DNMT1: variants seen among roughly 807,000 people sequenced by gnomAD.
The protein encoded by DNMT1 is DNA (cytosine-5)-methyltransferase 1.
A neutral mutation model predicts 205.3 loss-of-function variants in DNMT1; 24 were observed. The ratio of observed to expected loss-of-function variants is 0.12; its 90% CI spans 0.08 to 0.16. The LOEUF (loss-of-function observed/expected upper bound fraction) is 0.16, where lower values mean the gene tolerates loss of function less well. DNMT1 is among the 10% of genes least tolerant of loss of function. The pLI is 1.00. For synonymous variants in DNMT1, 817 were observed against 839.8 expected, an observed-to-expected ratio of 0.97 and a Z score of 0.47; for missense variants, 1,293 against 2,177.7, an observed-to-expected ratio of 0.59 and a Z score of 8.09.
At chr19:10,168,456 G>C (rs1325550317) in intron 9 of DNMT1, 92 bp from the exon 10 acceptor site, 5 of 1,313,522 alleles carry the variant, frequency 3.8e-6, no homozygotes, top group Non-Finnish European at 5.5e-6. Context: ...CACCTGAACT[G>C]ATTCTAGAGT....
At position 10,148,911 on chromosome 19, in the gene DNMT1, G is replaced by A. The variant is rs201213597; in HGVS notation, c.2693C>T (p.Thr898Ile). 904 of 1,614,086 alleles carry A rather than the reference G, an allele frequency of 5.6e-4. 6 individuals are homozygous for A. Among genetic ancestry groups the A allele is most frequent in the South Asian group, 2.3e-3 (208 of 91,078 alleles). Reference protein sequence around the residue: ...DYARFESPPKTQPTEDNKFKF... With the variant: ...DYARFESPPKIQPTEDNKFKF... ...GAACTTGTTGTCCTCTGTTGGCTGG[G>A]TTTTTGGAGGGGACTCGAATCTCGC... The change falls in exon 27 of 41, where the codon ACC becomes ATC. Residue 898 changes from threonine to isoleucine, a missense_variant. Coordinates refer to ENST00000359526, the MANE Select transcript of DNMT1 (RefSeq NM_001130823.3).
chr19:10,167,132 G>A (rs2038713050), intron 10 of DNMT1, among the ~76,000 whole-genome samples: 1 of 152,020 alleles, frequency 6.6e-6, no homozygotes. Flanking sequence ...GGGGTATTCT[G>A]CCCACCTCTG....
intron 27 of DNMT1, among the ~76,000 whole-genome samples, chr19:10,147,226 C>A (rs1246911762): frequency 6.6e-6 from 1 of 152,008 alleles, no homozygotes; most frequent in Non-Finnish European, 1.5e-5. Flanking sequence ...CACACCACTG[C>A]ATTCCAGCCT....
chr19:10,181,814 G>C (rs1257402482), intron 2 of DNMT1, among the ~76,000 whole-genome samples: 2 of 151,982 alleles, frequency 1.3e-5, no homozygotes. Context: ...GGGTGACAGA[G>C]TGAGACTCTG....
At chr19:10,193,073 G>A (rs780874532) in intron 1 of DNMT1, among the ~76,000 whole-genome samples, 10 of 152,078 alleles carry the variant, frequency 6.6e-5, no homozygotes, top group Non-Finnish European at 1.5e-4. Flanking sequence ...AAAAGTAGTA[G>A]TTAAGGCATG....
rs2038697838 is a variant in DNMT1 at position 10,166,580 on chromosome 19, CAAAT to C, written c.891+14_891+17del. The C allele has an allele frequency of 3.1e-6, 5 of 1,614,002 alleles. No individual in the cohort carries two copies. Among genetic ancestry groups the C allele is most frequent in the Non-Finnish European group, 4.2e-6 (5 of 1,179,910 alleles). ...AGAAGAATGAGGGGGAGTTCAGAAA[CAAAT>C]AACCCGCCTTTACTTTCTCGTCTCC... On this transcript the variant is annotated intron_variant, in intron 11 of 40. Coordinates refer to ENST00000359526, the MANE Select transcript of DNMT1 (RefSeq NM_001130823.3).
intron 5 of DNMT1, among the ~76,000 whole-genome samples, chr19:10,177,619 C>A (rs545064855): frequency 1.2e-4 from 18 of 152,166 alleles, no homozygotes; most frequent in African/African-American, 4.3e-4. Flanking sequence ...GGAAACAGAG[C>A]CTCTTGTTAA....
At chr19:10,175,905 C>A (rs765825171) in intron 6 of DNMT1, among the ~76,000 whole-genome samples, 1 of 152,284 alleles carries the variant, frequency 6.6e-6, no homozygotes, top group South Asian at 2.1e-4. Flanking sequence ...CAGTGGCTCA[C>A]GCCTATAATC....
In DNMT1 at chr19:10,133,533, C is replaced by G; in HGVS notation, c.*134G>C. The G allele has an allele frequency of 4.0e-6, 4 of 998,448 alleles. No individual in the cohort carries two copies. In the Admixed American group the frequency reaches 8.3e-5, roughly 21 times the overall value. The allele number at this position is 998,448 out of a possible 1,614,324, so 61.8% of individuals were successfully genotyped here. On this transcript the variant is annotated 3_prime_UTR_variant, in exon 41 of 41. Coordinates refer to ENST00000359526, the MANE Select transcript of DNMT1 (RefSeq NM_001130823.3). This position sits in a 1 kb window ranked among gnomAD's most constrained non-coding sequence, Gnocchi z 4.1. ...TAGTTGATAAGCGAACCTCACACAA[C>G]AGCTTCATGTCAGCCAAGGCCACAA...
rs778911806 is a variant in DNMT1, at chr19:10,143,816, G to A, written c.3066C>T (p.Asn1022=). The part of the protein sequence containing the change: ...IKEIFCPKKS[N]GRPNETDIKI... Reference sequence around the variant, plus strand: ...TGATGTCAGTCTCATTGGGCCTGCCGTTGCTCTTCTTGGGACAGAAGATCT... The same window carrying A: ...TGATGTCAGTCTCATTGGGCCTGCCATTGCTCTTCTTGGGACAGAAGATCT... The change falls in exon 29 of 41, where the codon AAC becomes AAT. Residue 1022 remains asparagine (N), a synonymous_variant. Coordinates refer to ENST00000359526, the MANE Select transcript of DNMT1 (RefSeq NM_001130823.3). The A allele has an allele frequency of 4.8e-5, 78 of 1,614,020 alleles. No homozygotes were observed. The highest frequency in any genetic ancestry group is 1.6e-4 in the Middle Eastern group (1 of 6,084).
rs543695157 is a variant in DNMT1, at chr19:10,182,345, A to G, written c.81-268T>C. ...TGTGAGATTACATAGCAGCTCTGTA[A>G]CACAATTATGTGTATGTGTGTGTGT... On this transcript the variant is annotated intron_variant, in intron 1 of 40. Transcript: ENST00000359526. 2.1e-4 allele frequency among the ~76,000 whole-genome samples: 31 copies of G among 151,164 alleles called. 1 individual carries two copies. Among genetic ancestry groups the G allele is most frequent in the Middle Eastern group, 3.4e-3 (1 of 292 alleles).
chr19:10,157,626 C>A (rs1389687839), intron 17 of DNMT1, among the ~76,000 whole-genome samples: 1 of 152,188 alleles, frequency 6.6e-6, no homozygotes, highest in Non-Finnish European at 1.5e-5. Context: ...GCACCCTCCA[C>A]CACACTCACC....
rs1416080045 is a variant in DNMT1 at position 10,133,633 on chromosome 19, T to G, written c.*34A>C. On this transcript the variant is annotated 3_prime_UTR_variant, in exon 41 of 41. Coordinates refer to ENST00000359526, the MANE Select transcript of DNMT1 (RefSeq NM_001130823.3). This position sits in a 1 kb window ranked among gnomAD's most constrained non-coding sequence, Gnocchi z 4.1. The stretch of plus-strand genomic sequence containing the variant: ...AACATCAGTGCATGTTGGGGATTCC[T>G]GGTGCCAGAAACAGGGGTGACGGGA... 7 of 1,590,862 alleles carry G rather than the reference T, an allele frequency of 4.4e-6. No homozygotes were observed. The East Asian group carries it at 6.8e-5, about 16-fold the overall frequency.
At chr19:10,168,182 G>A (rs1160612814) in intron 10 of DNMT1, 148 bp downstream of exon 10, 7 of 792,754 alleles carry the variant, frequency 8.8e-6, no homozygotes, top group Non-Finnish European at 1.3e-5. Flanking sequence ...ACTTCAGGGT[G>A]GTCTCACCTT....
intron 9 of DNMT1, among the ~76,000 whole-genome samples, chr19:10,172,391 G>A (rs2038839515): frequency 7.2e-6 from 1 of 139,824 alleles, no homozygotes; most frequent in African/African-American, 2.7e-5. Flanking sequence ...GGGCAACAGA[G>A]CAAGACTCCA....
chr19:10,189,033 G>T (rs1359800842), intron 1 of DNMT1, among the ~76,000 whole-genome samples: 3 of 152,092 alleles, frequency 2.0e-5, no homozygotes, highest in African/African-American at 7.2e-5. Flanking sequence ...ACCTGCATAA[G>T]GTAATAAATG....
intron 13 of DNMT1, 47 bp downstream of exon 13, chr19:10,162,620 G>GAAAAAAAAAAAAAAAAA (rs573823039): frequency 7.6e-7 from 1 of 1,316,422 alleles, no homozygotes; most frequent in Non-Finnish European, 1.0e-6. Context: ...CCGTCTTGGG[G>GAAAAAAAAAAAAAAAAA]AAAAAAAAAA....
chr19:10,173,995 AT>A, intron 7 of DNMT1, 90 bp from the exon 8 acceptor site: 1 of 1,289,382 alleles, frequency 7.8e-7, no homozygotes, highest in Non-Finnish European at 1.1e-6. Context: ...ATATTAACAC[AT>A]TTGACATGGT....
At chr19:10,141,003 CCA>C (rs1190657199) in intron 31 of DNMT1, 94 bp from the exon 32 acceptor site, 101 of 1,613,296 alleles carry the variant, frequency 6.3e-5, no homozygotes, top group Non-Finnish European at 7.8e-5. Flanking sequence ...CCTCGCTGTC[CCA>C]GAGTCAGTAA....
Sources: allele counts gnomAD v4.1 joint callset (sites outside exome capture counted in the v4.1 genomes callset), GRCh38; gene constraint gnomAD v4.1.1; non-coding constraint Gnocchi (gnomAD v3.1); transcripts MANE v1.5; gene names NCBI Gene and HGNC (gene_info 2026-07-23, HGNC 2026-07-21).